The following CYFIP1 variants were observed in gnomAD, a reference collection of about 807,000 sequenced individuals.
The protein encoded by CYFIP1 is cytoplasmic FMR1-interacting protein 1.
In CYFIP1, 58 loss-of-function variants were observed where a neutral mutation model predicts 163.5. The ratio of observed to expected loss-of-function variants is 0.35; its 90% CI spans 0.29 to 0.44. CYFIP1 has a LOEUF of 0.44. CYFIP1 is among the 20% of genes least tolerant of loss of function. The pLI is 1.00. For missense variants in CYFIP1, 1,338 were observed against 1,653.8 expected (o/e 0.81, Z 3.31); for synonymous variants, 663 against 660.7 (o/e 1.00, Z -0.05).
Position 22,912,169 on chromosome 15 carries a change from G to A in CYFIP1, c.2082+10C>T, listed in dbSNP as rs749327109. 3.1e-6 allele frequency: 5 copies of A among 1,607,968 alleles called. No individual in the cohort carries two copies. The African/African-American group carries it at 4.0e-5, about 13-fold the overall frequency. On this transcript the variant is annotated intron_variant, in intron 18 of 30. Transcript: ENST00000617928. ...GGAAATGAACAGAAATGGAGCTGCA[G>A]GGGCCTCACCTCGGCCTCAATTTCG...
At chr15:22,967,614 C>T (rs2062956388) in intron 1 of CYFIP1, among the ~76,000 whole-genome samples, 1 of 152,132 alleles carries the variant, frequency 6.6e-6, no homozygotes, top group Non-Finnish European at 1.5e-5. Flanking sequence ...AGCTACAACA[C>T]AGCACATCTG....
intron 13 of CYFIP1, among the ~76,000 whole-genome samples, chr15:22,925,571 A>AGCCCATGAG (rs1358657902): frequency 6.6e-6 from 1 of 152,202 alleles, no homozygotes; most frequent in Non-Finnish European, 1.5e-5. Context: ...AGCACAGGAA[A>AGCCCATGAG]AGCACAGCTA....
At chr15:22,963,319 C>T (rs994588616) in intron 1 of CYFIP1, among the ~76,000 whole-genome samples, 15 of 147,736 alleles carry the variant, frequency 1.0e-4, no homozygotes, top group Admixed American at 8.8e-4. Context: ...GGAGAAACCC[C>T]GTCCCTACTA....
intron 1 of CYFIP1, among the ~76,000 whole-genome samples, chr15:22,952,675 AG>A (rs2062296295): frequency 7.9e-6 from 1 of 126,158 alleles, no homozygotes; most frequent in Non-Finnish European, 1.7e-5. Context: ...AAAAAAAAAA[AG>A]GTAAACATGG....
intron 22 of CYFIP1, among the ~76,000 whole-genome samples, chr15:22,894,383 G>A (rs935037991): frequency 4.1e-5 from 6 of 147,152 alleles, no homozygotes; most frequent in East Asian, 2.1e-4. Flanking sequence ...TCCGCCTTCC[G>A]GATTCAAACG....
At chr15:22,870,262 C>A in intron 30 of CYFIP1, 70 bp from the exon 31 acceptor site, 1 of 1,483,360 alleles carries the variant, frequency 6.7e-7, no homozygotes, top group South Asian at 1.3e-5. Context: ...TTCAAAATGT[C>A]AGGATTCTTA....
At chr15:22,934,327 C>T (rs1299219837) in intron 9 of CYFIP1, among the ~76,000 whole-genome samples, 1 of 149,838 alleles carries the variant, frequency 6.7e-6, no homozygotes, top group South Asian at 2.1e-4. Context: ...GCTGGGACTA[C>T]AGGCGCCCGC....
rs769741258 is a variant in CYFIP1, at chr15:22,933,803, G to A, written c.991C>T (p.Arg331Ter). 4 of 1,611,454 alleles carry A rather than the reference G, an allele frequency of 2.5e-6. No homozygotes were observed. The highest frequency in any genetic ancestry group is 3.4e-6 in the Non-Finnish European group (4 of 1,178,728). ...TSAHYEENKS[R>*]WTCTSSGSSP... ...CAGGCAGCTTTCCTCTCCTCCTACCGAGATTTATTTTCCTCGTAGTGGGCG... is the reference window on the plus strand; with the variant it reads ...CAGGCAGCTTTCCTCTCCTCCTACCAAGATTTATTTTCCTCGTAGTGGGCG... Residue 331 changes from arginine (R) to a stop codon, truncating the protein, a stop_gained and splice_region_variant, in exon 10 of 31, where the codon CGA (arginine) becomes TGA (stop). Coordinates refer to ENST00000617928, the MANE Select transcript of CYFIP1 (RefSeq NM_014608.6). LOFTEE classifies it high-confidence loss of function.
At chr15:22,938,559 C>T (rs565182585) in intron 8 of CYFIP1, among the ~76,000 whole-genome samples, 44 of 151,626 alleles carry the variant, frequency 2.9e-4, no homozygotes, top group South Asian at 1.0e-3. Context: ...GAGCTGTGTC[C>T]GCACCATTGC....
chr15:22,893,070 T>C, intron 22 of CYFIP1, 93 bp from the exon 23 acceptor site: 1 of 862,496 alleles, frequency 1.2e-6, no homozygotes, highest in South Asian at 1.5e-5. Context: ...CTACTAAATC[T>C]TCCTCCCAGT....
chr15:22,978,607 A>T (rs1232753504), intron 1 of CYFIP1, among the ~76,000 whole-genome samples: 1 of 152,158 alleles, frequency 6.6e-6, no homozygotes, highest in Admixed American at 6.6e-5. Flanking sequence ...TTTCACTTTT[A>T]GTATACACGG....
chr15:22,879,201 A>C (rs2059677358), intron 26 of CYFIP1, among the ~76,000 whole-genome samples: 1 of 151,370 alleles, frequency 6.6e-6, no homozygotes, highest in Non-Finnish European at 1.5e-5. Flanking sequence ...CAGGAAAAGA[A>C]ACAAGAAGAC....
chr15:22,961,182 G>A (rs1197821136), intron 1 of CYFIP1, among the ~76,000 whole-genome samples: 5 of 151,014 alleles, frequency 3.3e-5, no homozygotes, highest in African/African-American at 4.9e-5. Context: ...CCACCATGCC[G>A]GGCTAATGTT....
At chr15:22,923,580 C>A (rs991301584) in intron 13 of CYFIP1, among the ~76,000 whole-genome samples, 1 of 152,042 alleles carries the variant, frequency 6.6e-6, no homozygotes, top group African/African-American at 2.4e-5. Flanking sequence ...CTGTTATGAT[C>A]CAGTAATTGC....
intron 1 of CYFIP1, among the ~76,000 whole-genome samples, chr15:22,961,878 T>C (rs2062694521): frequency 6.6e-6 from 1 of 152,232 alleles, no homozygotes; most frequent in Admixed American, 6.5e-5. Context: ...TTTCACTTAC[T>C]ATTTTCTTTG....
intron 6 of CYFIP1, among the ~76,000 whole-genome samples, chr15:22,940,885 TA>T (rs1273622265): frequency 1.3e-5 from 2 of 151,900 alleles, no homozygotes; most frequent in African/African-American, 4.8e-5. Context: ...ACTAAAAATA[TA>T]AAAATTAGCC....
chr15:22,893,177 C>T (rs1329777242), intron 22 of CYFIP1, among the ~76,000 whole-genome samples, 200 bp from the exon 23 acceptor site: 3 of 152,186 alleles, frequency 2.0e-5, no homozygotes, highest in Admixed American at 6.5e-5. Context: ...GCACCCAAAG[C>T]TCAGGGGCCA....
intron 17 of CYFIP1, among the ~76,000 whole-genome samples, chr15:22,912,630 C>T (rs1259860128): frequency 1.3e-5 from 2 of 152,192 alleles, no homozygotes; most frequent in Non-Finnish European, 2.9e-5. Flanking sequence ...CCAGAATGAA[C>T]TCCAAGGACC....
intron 8 of CYFIP1, 126 bp from the exon 9 acceptor site, chr15:22,937,334 T>C (rs1224670056): frequency 1.6e-6 from 1 of 629,766 alleles, no homozygotes; most frequent in Non-Finnish European, 2.9e-6. Context: ...CAAAGATCTA[T>C]CTTTAGGCTG....
Sources: allele counts gnomAD v4.1 joint callset (sites outside exome capture counted in the v4.1 genomes callset), GRCh38; gene constraint gnomAD v4.1.1; transcripts MANE v1.5; gene names NCBI Gene and HGNC (gene_info 2026-07-23, HGNC 2026-07-21).